The following STPG2 variants were observed in gnomAD, a reference collection of about 807,000 sequenced individuals.
The protein encoded by STPG2 is sperm tail PG-rich repeat containing 2.
In STPG2, 56 loss-of-function variants were observed where a neutral mutation model predicts 54.2. The observed-to-expected ratio is 1.03, with a 90% CI of 0.83 to 1.29. The LOEUF is 1.29. Ranked by LOEUF, STPG2 falls within the 50% of genes most tolerant of loss-of-function variation. The pLI is 0.00. For missense variants in STPG2, 596 were observed against 544.9 expected, an observed-to-expected ratio of 1.09 and a Z score of -0.93; for synonymous variants, 200 against 181.8, an observed-to-expected ratio of 1.10 and a Z score of -0.81.
chr4:97,992,011 T>C (rs1029386930), intron 5 of STPG2, among the ~76,000 whole-genome samples: 8 of 152,198 alleles, frequency 5.3e-5, no homozygotes, highest in African/African-American at 1.9e-4. Context: ...CTTTCTCAGA[T>C]GTATAGATTG....
chr4:97,448,763 T>A (rs987912082), intron 4 of STPG2, among the ~76,000 whole-genome samples: 6 of 152,144 alleles, frequency 3.9e-5, no homozygotes, highest in Non-Finnish European at 8.8e-5. Flanking sequence ...ATATTTTGCC[T>A]CCTTGGTGTT....
intron 9 of STPG2, among the ~76,000 whole-genome samples, chr4:97,768,629 A>G (rs1374064881): frequency 2.6e-5 from 4 of 152,218 alleles, no homozygotes; most frequent in Non-Finnish European, 4.4e-5. Context: ...GTCAAAAGGT[A>G]AAATAAAGGA....
At chr4:97,511,431 A>T (rs1730970246) in intron 4 of STPG2, among the ~76,000 whole-genome samples, 1 of 152,120 alleles carries the variant, frequency 6.6e-6, no homozygotes, top group Admixed American at 6.6e-5. Flanking sequence ...GTTTCTTTGT[A>T]ACTTATAATA....
intron 7 of STPG2, among the ~76,000 whole-genome samples, chr4:97,957,317 CAGA>C (rs949047593): frequency 2.6e-5 from 4 of 151,238 alleles, no homozygotes; most frequent in Non-Finnish European, 4.4e-5. Context: ...ATGTAACAAG[CAGA>C]AGAAGGAACT....
At position 97,635,905 on chromosome 4, in the gene STPG2, C is replaced by A. The variant is rs573287993; in HGVS notation, c.1321-76788G>T. On this transcript the variant is annotated intron_variant, in intron 10 of 10. Coordinates refer to ENST00000295268, the MANE Select transcript of STPG2 (RefSeq NM_174952.3). Reference sequence around the variant, plus strand: ...ACATTAACAATGGGAGACTTTAACACCCCACTGTCAACATTAGACAGATCA... The same window carrying A: ...ACATTAACAATGGGAGACTTTAACAACCCACTGTCAACATTAGACAGATCA... Among the ~76,000 whole-genome samples the A allele has an allele frequency of 2.2e-4, 34 of 152,224 alleles. No individual in the cohort carries two copies. In the Middle Eastern group the frequency reaches 0.01, roughly 46 times the overall value.
intron 5 of STPG2, among the ~76,000 whole-genome samples, chr4:98,063,794 C>T (rs1270950661): frequency 2.0e-5 from 3 of 152,124 alleles, no homozygotes; most frequent in Admixed American, 6.5e-5. Context: ...AATCCCAGCA[C>T]CTTGGGAGGC....
chr4:98,126,377 G>T (rs6853266), intron 3 of STPG2, among the ~76,000 whole-genome samples: 57,494 of 152,122 alleles, frequency 0.38, 11,040 homozygotes, highest in Middle Eastern at 0.46. Flanking sequence ...TCCAAGGCCC[G>T]GGTGGTGTGG....
intron 10 of STPG2, among the ~76,000 whole-genome samples, chr4:97,614,442 G>A (rs919698522): frequency 1.3e-5 from 2 of 152,044 alleles, no homozygotes; most frequent in Non-Finnish European, 1.5e-5. Context: ...AGACTCTCTG[G>A]TGAAGCTTTC....
At chr4:97,579,268 G>A (rs1672911585) in intron 10 of STPG2, among the ~76,000 whole-genome samples, 1 of 151,816 alleles carries the variant, frequency 6.6e-6, no homozygotes, top group South Asian at 2.1e-4. Flanking sequence ...GTATATATGT[G>A]AATACACATA....
At chr4:97,782,016 C>G (rs1438299786) in intron 9 of STPG2, among the ~76,000 whole-genome samples, 1 of 152,158 alleles carries the variant, frequency 6.6e-6, no homozygotes, top group Non-Finnish European at 1.5e-5. Flanking sequence ...CCTTTGAAAA[C>G]TGGCACAAGA....
chr4:97,794,156 T>C (rs1201295925), intron 9 of STPG2, among the ~76,000 whole-genome samples: 1 of 152,094 alleles, frequency 6.6e-6, no homozygotes. Context: ...GATGGCTATA[T>C]TGAATCTAAG....
intron 9 of STPG2, among the ~76,000 whole-genome samples, chr4:97,790,180 C>CAG (rs60697808): frequency 0.58 from 88,395 of 151,722 alleles, 26,301 homozygotes; most frequent in East Asian, 0.73. Context: ...TCTGGAACAA[C>CAG]GGCACATCTG....
chr4:97,713,616 G>A lies in STPG2; in HGVS notation c.1205-802C>T, dbSNP rs577961721. On this transcript the variant is annotated intron_variant, in intron 9 of 10. Coordinates refer to ENST00000295268, the MANE Select transcript of STPG2 (RefSeq NM_174952.3). ...CAAGATCCCTTGCATGTGCAGTTCA[G>A]GATAGCGTTCGAGCTCCTATGAGAA... Among the ~76,000 whole-genome samples, 15 of 152,298 alleles carry A rather than the reference G, an allele frequency of 9.8e-5. No individual in the cohort carries two copies. The South Asian group carries it at 2.3e-3, about 23-fold the overall frequency.
At chr4:98,017,635 G>C (rs117890852) in intron 5 of STPG2, among the ~76,000 whole-genome samples, 2,212 of 152,268 alleles carry the variant, frequency 0.015, 94 homozygotes, top group East Asian at 0.12. Flanking sequence ...CTTAGCGCTT[G>C]TGAACATATT....
At chr4:97,518,748 A>G (rs2148845807) in intron 4 of STPG2, among the ~76,000 whole-genome samples, 1 of 152,194 alleles carries the variant, frequency 6.6e-6, no homozygotes, top group African/African-American at 2.4e-5. Context: ...AGTCCTCCAA[A>G]TGAACTGCCT....
At chr4:97,536,240 G>A (rs776683599) in intron 4 of STPG2, among the ~76,000 whole-genome samples, 2 of 152,164 alleles carry the variant, frequency 1.3e-5, no homozygotes, top group Non-Finnish European at 2.9e-5. Flanking sequence ...TGATCTATGG[G>A]TGAAATGGTT....
intron 8 of STPG2, among the ~76,000 whole-genome samples, chr4:97,929,535 T>C (rs1732463173): frequency 1.3e-5 from 2 of 152,178 alleles, no homozygotes; most frequent in Non-Finnish European, 2.9e-5. Context: ...CTCACTAGAA[T>C]CTTTTATTTT....
At chr4:97,661,563 A>G (rs974750674) in intron 10 of STPG2, among the ~76,000 whole-genome samples, 1 of 152,148 alleles carries the variant, frequency 6.6e-6, no homozygotes, top group Non-Finnish European at 1.5e-5. Context: ...GAATTAGAAG[A>G]TACAGGATAT....
At chr4:97,816,554 C>T (rs1727916832) in intron 9 of STPG2, among the ~76,000 whole-genome samples, 1 of 152,048 alleles carries the variant, frequency 6.6e-6, no homozygotes, top group Non-Finnish European at 1.5e-5. Context: ...CTGGATATGT[C>T]TGTGAGAGTG....
Sources: allele counts gnomAD v4.1 joint callset (sites outside exome capture counted in the v4.1 genomes callset), GRCh38; gene constraint gnomAD v4.1.1; transcripts MANE v1.5; gene names NCBI Gene and HGNC (gene_info 2026-07-23, HGNC 2026-07-21).